The following SGK3 variants were observed in gnomAD, a reference collection of about 807,000 sequenced individuals.
SGK3 encodes serum/glucocorticoid regulated kinase family member 3, also known as serine/threonine-protein kinase Sgk3.
In SGK3, 47 loss-of-function variants were observed where a neutral mutation model predicts 68.5. The observed-to-expected ratio is 0.69, with a 90% CI of 0.54 to 0.87. The LOEUF (loss-of-function observed/expected upper bound fraction) is 0.87, where lower values mean the gene tolerates loss of function less well. Among genes scored for constraint, SGK3 ranks in the 40% least tolerant of loss-of-function variants. SGK3 has a pLI of 0.00. For missense variants in SGK3, 479 were observed against 575.5 expected (o/e 0.83, Z 1.72); for synonymous variants, 181 against 189.1 (o/e 0.96, Z 0.35).
rs558890114 is a variant in SGK3, at chr8:66,799,475, G to T, written c.180+850G>T. Among the ~76,000 whole-genome samples the T allele has an allele frequency of 1.0e-3, 155 of 152,324 alleles. 1 individual carries two copies. The highest frequency in any genetic ancestry group is 3.4e-3 in the African/African-American group (140 of 41,562). ...GGTAGCAGTGTTTGTGGATAGTGTTGCCTTGAAGATCATACGTAGAAGCTA... is the reference window on the plus strand; with the variant it reads ...GGTAGCAGTGTTTGTGGATAGTGTTTCCTTGAAGATCATACGTAGAAGCTA... On this transcript the variant is annotated intron_variant, in intron 3 of 16. Transcript: ENST00000521198.
At chr8:66,734,208 G>A (rs1039386094) in intron 1 of SGK3, among the ~76,000 whole-genome samples, 1 of 140,716 alleles carries the variant, frequency 7.1e-6, no homozygotes, top group Non-Finnish European at 1.6e-5. Flanking sequence ...ATTTATTAAT[G>A]CTTTTTTTTC....
At chr8:66,853,325 AAAT>A (rs1810369788) in intron 16 of SGK3, among the ~76,000 whole-genome samples, 1 of 152,210 alleles carries the variant, frequency 6.6e-6, no homozygotes, top group African/African-American at 2.4e-5. Flanking sequence ...TGTGGAATTA[AAAT>A]ATGTAATGTG....
rs576708772 is a variant in SGK3 at position 66,735,692 on chromosome 8, A to G, written c.-122+22859A>G. On this transcript the variant is annotated intron_variant, in intron 1 of 16. Transcript: ENST00000521198. ...CTTTCCCATTTCACCTGAGGTAGTT[A>G]GCTACAGACTTGACATTTTCACATT... is the stretch of plus-strand genomic sequence containing the variant. 5.9e-5 allele frequency among the ~76,000 whole-genome samples: 9 copies of G among 152,338 alleles called. No individual in the cohort carries two copies. In the South Asian group the frequency reaches 1.9e-3, roughly 32 times the overall value.
chr8:66,851,221 T>G (rs1028147831), intron 16 of SGK3, among the ~76,000 whole-genome samples: 3 of 152,148 alleles, frequency 2.0e-5, no homozygotes, highest in African/African-American at 4.8e-5. Flanking sequence ...CTCACACCTG[T>G]AATCCCAGCA....
At chr8:66,846,425 A>G (rs936470232) in intron 14 of SGK3, among the ~76,000 whole-genome samples, 4 of 152,114 alleles carry the variant, frequency 2.6e-5, no homozygotes, top group Admixed American at 1.3e-4. Context: ...ACCGATTCTC[A>G]TGCCTCAGTC....
At chr8:66,784,969 G>A (rs1157878899) in intron 1 of SGK3, among the ~76,000 whole-genome samples, 2 of 152,126 alleles carry the variant, frequency 1.3e-5, no homozygotes, top group Non-Finnish European at 2.9e-5. Flanking sequence ...TTGTCATCGT[G>A]ATGGGGCCAA....
chr8:66,797,345 G>T (rs1340921950), intron 2 of SGK3, among the ~76,000 whole-genome samples: 2 of 152,144 alleles, frequency 1.3e-5, no homozygotes, highest in African/African-American at 4.8e-5. Flanking sequence ...ATTCAGCGTC[G>T]CTGGCACCTT....
intron 4 of SGK3, among the ~76,000 whole-genome samples, chr8:66,810,875 G>GT (rs2130633380): frequency 6.6e-6 from 1 of 152,122 alleles, no homozygotes; most frequent in East Asian, 1.9e-4. Flanking sequence ...TTATTCTAGT[G>GT]TTTGCCAATC....
intron 16 of SGK3, among the ~76,000 whole-genome samples, chr8:66,857,513 G>A (rs1258729961): frequency 1.3e-5 from 2 of 152,042 alleles, no homozygotes; most frequent in Non-Finnish European, 2.9e-5. Flanking sequence ...TGGGCATGGC[G>A]GCTCATGGCT....
intron 1 of SGK3, among the ~76,000 whole-genome samples, chr8:66,773,572 TACA>T (rs1414014311): frequency 6.6e-6 from 1 of 152,194 alleles, no homozygotes; most frequent in East Asian, 1.9e-4. Context: ...ATTAATAAAA[TACA>T]ACAATTATAA....
chr8:66,719,186 G>A (rs1176632997), intron 1 of SGK3, among the ~76,000 whole-genome samples: 3 of 152,000 alleles, frequency 2.0e-5, no homozygotes, highest in African/African-American at 2.4e-5. Flanking sequence ...TACTGCTACT[G>A]CTGCTGTTTT....
intron 1 of SGK3, among the ~76,000 whole-genome samples, chr8:66,747,143 A>G (rs1805677121): frequency 1.3e-5 from 2 of 152,188 alleles, no homozygotes; most frequent in African/African-American, 2.4e-5. Context: ...GGCCAATTCA[A>G]ATATCCAGAG....
chr8:66,724,059 T>C (rs1008807911), intron 1 of SGK3, among the ~76,000 whole-genome samples: 4 of 152,226 alleles, frequency 2.6e-5, no homozygotes, highest in African/African-American at 7.2e-5. Context: ...TGACTTTTGC[T>C]AACATTAACA....
chr8:66,827,353 T>C, intron 6 of SGK3, among the ~76,000 whole-genome samples: 1 of 128,158 alleles, frequency 7.8e-6, no homozygotes, highest in African/African-American at 3.1e-5. Flanking sequence ...CTGCACTCCA[T>C]CCAGCCTGGG....
intron 1 of SGK3, among the ~76,000 whole-genome samples, chr8:66,718,559 C>T (rs868277184): frequency 6.6e-6 from 1 of 151,822 alleles, no homozygotes; most frequent in African/African-American, 2.4e-5. Context: ...GACAAACTCT[C>T]ACTGTGTTGC....
chr8:66,839,540 TATATATATATATATA>T (rs1809701657), intron 10 of SGK3, among the ~76,000 whole-genome samples: 1 of 83,480 alleles, frequency 1.2e-5, no homozygotes, highest in African/African-American at 5.1e-5. Flanking sequence ...TATATATATA[TATATATATATATATA>T]TATTTTCATA....
intron 1 of SGK3, among the ~76,000 whole-genome samples, chr8:66,783,869 T>A (rs73260202): frequency 0.025 from 3,857 of 152,078 alleles, 171 homozygotes; most frequent in African/African-American, 0.087. Context: ...AATTTTATAG[T>A]TTTGTTTTTT....
chr8:66,812,335 G>A (rs1808411188), intron 4 of SGK3, among the ~76,000 whole-genome samples: 2 of 152,076 alleles, frequency 1.3e-5, no homozygotes, highest in Admixed American at 6.6e-5. Context: ...GAGGCAGGCA[G>A]ATCACAAGGT....
At chr8:66,766,612 T>G (rs974569159) in intron 1 of SGK3, among the ~76,000 whole-genome samples, 1 of 152,188 alleles carries the variant, frequency 6.6e-6, no homozygotes. Flanking sequence ...TTCTCTCTAC[T>G]TGTGTTATTA....
Sources: allele counts gnomAD v4.1 joint callset (sites outside exome capture counted in the v4.1 genomes callset), GRCh38; gene constraint gnomAD v4.1.1; transcripts MANE v1.5; gene names NCBI Gene and HGNC (gene_info 2026-07-23, HGNC 2026-07-21).